Variants in SPPL2A observed in about 807,000 individuals in gnomAD.
SPPL2A encodes signal peptide peptidase-like 2A.
A neutral mutation model predicts 63.8 loss-of-function variants in SPPL2A; 51 were observed. The ratio of observed to expected loss-of-function variants is 0.80; its 90% CI spans 0.64 to 1.01. The LOEUF (loss-of-function observed/expected upper bound fraction) is 1.01, where lower values mean the gene tolerates loss of function less well. Among genes scored for constraint, SPPL2A ranks in the 50% least tolerant of loss-of-function variants. The pLI, the probability that SPPL2A is intolerant of heterozygous loss-of-function variation, is 0.00. For synonymous variants in SPPL2A, 188 were observed against 205.8 expected, an observed-to-expected ratio of 0.91 and a Z score of 0.74; for missense variants, 553 against 622.7, an observed-to-expected ratio of 0.89 and a Z score of 1.19.
intron 2 of SPPL2A, among the ~76,000 whole-genome samples, 182 bp downstream of exon 2, chr15:50,749,454 A>T (rs1209393745): frequency 6.6e-6 from 1 of 151,984 alleles, no homozygotes; most frequent in African/African-American, 2.4e-5. Flanking sequence ...CACCCAGCTA[A>T]TTTTTGTATT....
chr15:50,726,897 C>T (rs146941620), intron 10 of SPPL2A, among the ~76,000 whole-genome samples: 7 of 152,140 alleles, frequency 4.6e-5, no homozygotes, highest in African/African-American at 1.7e-4. Context: ...AAACCAAACT[C>T]GAAAAGACCC....
chr15:50,716,549 T>G (rs2062600709), intron 14 of SPPL2A, among the ~76,000 whole-genome samples: 1 of 152,200 alleles, frequency 6.6e-6, no homozygotes, highest in African/African-American at 2.4e-5. Flanking sequence ...GAAAGGGAAA[T>G]GAATTTTTTA....
At position 50,759,733 on chromosome 15, in the gene SPPL2A, ACT is replaced by A. The variant is rs376006056; in HGVS notation, c.66+5733_66+5734del. 2.8e-3 allele frequency among the ~76,000 whole-genome samples: 426 copies of A among 150,788 alleles called. 1 individual carries two copies. Among genetic ancestry groups the A allele is most frequent in the African/African-American group, 9.9e-3 (406 of 41,046 alleles). On this transcript the variant is annotated intron_variant, in intron 1 of 14. Transcript: ENST00000261854. ...ACTCTAGCCTGGGCGACAGAACGAG[ACT>A]CTGTCTCAAAAAAAAAAAAAGAAAG...
At chr15:50,765,335 G>A (rs1404963047) in intron 1 of SPPL2A, 133 bp downstream of exon 1, 1 of 555,864 alleles carries the variant, frequency 1.8e-6, no homozygotes, top group Non-Finnish European at 3.1e-6. Context: ...GGGGAGGAAA[G>A]AGGAGTGCGA....
chr15:50,721,375 T>C (rs2141026144), intron 13 of SPPL2A, among the ~76,000 whole-genome samples: 1 of 152,174 alleles, frequency 6.6e-6, no homozygotes, highest in Admixed American at 6.6e-5. Context: ...AATTTCTTTA[T>C]ACTTTTTTTC....
Position 50,706,641 on chromosome 15 carries a change from G to A in SPPL2A, c.*1159C>T, listed in dbSNP as rs1202889303. The stretch of plus-strand genomic sequence containing the variant: ...TGGGAGTGGGGGAATGTGGGATAAT[G>A]TTAGGAATGCTGTATTCAACGATGA... On this transcript the variant is annotated 3_prime_UTR_variant, in exon 15 of 15. Coordinates refer to ENST00000261854, the MANE Select transcript of SPPL2A (RefSeq NM_032802.4). 6.6e-6 allele frequency: 1 copy of A among 151,940 alleles called. No individual in the cohort carries two copies. The highest frequency in any genetic ancestry group is 6.6e-5 in the Admixed American group (1 of 15,238). The allele number at this position is 151,940 out of a possible 1,614,324, so 9.4% of individuals were successfully genotyped here. A position where few individuals can be genotyped will look rare whatever the true frequency, so the allele number is the denominator to read the frequency against.
chr15:50,708,381 G>C (rs1252900761), intron 14 of SPPL2A, among the ~76,000 whole-genome samples: 1 of 152,216 alleles, frequency 6.6e-6, no homozygotes, highest in East Asian at 1.9e-4. Context: ...AAATGAACTT[G>C]AGGTCATATG....
rs2062489355 is a variant in SPPL2A at position 50,703,349 on chromosome 15, TATA to T, written c.*4448_*4450del. ...ACATATATATATATATATATATACA[TATA>T]TATATTTTTTTTTTTTTTTTTTTTT... is the stretch of plus-strand genomic sequence containing the variant. On this transcript the variant is annotated 3_prime_UTR_variant, in exon 15 of 15. Coordinates refer to ENST00000261854, the MANE Select transcript of SPPL2A (RefSeq NM_032802.4). 5 of 87,948 alleles carry T rather than the reference TATA, an allele frequency of 5.7e-5. No individual in the cohort carries two copies. Among genetic ancestry groups the T allele is most frequent in the African/African-American group, 1.5e-4 (3 of 20,080 alleles). The allele number at this position is 87,948 out of a possible 1,614,324, so 5.4% of individuals were successfully genotyped here. A position where few individuals can be genotyped will look rare whatever the true frequency, so the allele number is the denominator to read the frequency against.
chr15:50,758,727 G>A (rs1356199399), intron 1 of SPPL2A, among the ~76,000 whole-genome samples: 5 of 151,928 alleles, frequency 3.3e-5, no homozygotes, highest in Non-Finnish European at 5.9e-5. Context: ...CATAGGGCAT[G>A]GTAAAGCTTG....
chr15:50,759,307 A>G (rs1435754601), intron 1 of SPPL2A, among the ~76,000 whole-genome samples: 1 of 152,196 alleles, frequency 6.6e-6, no homozygotes, highest in East Asian at 1.9e-4. Context: ...TTAGCTGGGT[A>G]CAGTGGCTCA....
chr15:50,756,258 G>C (rs1189359134), intron 1 of SPPL2A, among the ~76,000 whole-genome samples: 2 of 151,326 alleles, frequency 1.3e-5, no homozygotes, highest in Admixed American at 6.6e-5. Flanking sequence ...TTACTCTGGA[G>C]GCTGAGGCAG....
chr15:50,764,832 A>G (rs1336954355), intron 1 of SPPL2A, among the ~76,000 whole-genome samples: 1 of 152,182 alleles, frequency 6.6e-6, no homozygotes, highest in Non-Finnish European at 1.5e-5. Context: ...TAGGCAGAAA[A>G]CTGAAAACCA....
chr15:50,712,143 G>T (rs1436004608), intron 14 of SPPL2A, among the ~76,000 whole-genome samples: 1 of 152,192 alleles, frequency 6.6e-6, no homozygotes, highest in Non-Finnish European at 1.5e-5. Context: ...ACTGTCATAA[G>T]CATTGTGGAT....
At chr15:50,712,679 CTTT>C (rs1555440537) in intron 14 of SPPL2A, among the ~76,000 whole-genome samples, 1,913 of 102,750 alleles carry the variant, frequency 0.019, 44 homozygotes, top group Middle Eastern at 0.067. Flanking sequence ...CTCCCCCCCC[CTTT>C]TTTTTTTTTT....
intron 14 of SPPL2A, among the ~76,000 whole-genome samples, chr15:50,708,134 T>C (rs1006493975): frequency 6.6e-6 from 1 of 152,170 alleles, no homozygotes; most frequent in Non-Finnish European, 1.5e-5. Context: ...CATTTCCCAA[T>C]ATGAATACTG....
chr15:50,761,338 C>T lies in SPPL2A; in HGVS notation c.66+4130G>A, dbSNP rs555260979. 5.3e-5 allele frequency among the ~76,000 whole-genome samples: 8 copies of T among 152,212 alleles called. No homozygotes were observed. In the South Asian group the frequency reaches 1.2e-3, roughly 24 times the overall value. On this transcript the variant is annotated intron_variant, in intron 1 of 14. Transcript: ENST00000261854. ...AAGCAATTTAAAAAGACAGAGCTGC[C>T]GGGCACGGTGGCTCACACCTGCAAC...
intron 9 of SPPL2A, among the ~76,000 whole-genome samples, chr15:50,731,410 G>C (rs1265169665): frequency 1.3e-5 from 2 of 151,966 alleles, no homozygotes; most frequent in African/African-American, 2.4e-5. Context: ...GCCGGGCATG[G>C]TGGCACGTGC....
chr15:50,743,389 A>T (rs1285604432), intron 5 of SPPL2A: 1 of 152,192 alleles, frequency 6.6e-6, no homozygotes, highest in African/African-American at 2.4e-5. Flanking sequence ...TCTGCTGCCC[A>T]GGCTTGAGTG....
chr15:50,717,066 A>G (rs1188489923), intron 14 of SPPL2A, among the ~76,000 whole-genome samples: 2 of 152,054 alleles, frequency 1.3e-5, no homozygotes, highest in African/African-American at 4.8e-5. Context: ...CTCCACCCAT[A>G]CTGACTCCAT....
Sources: allele counts gnomAD v4.1 joint callset (sites outside exome capture counted in the v4.1 genomes callset), GRCh38; gene constraint gnomAD v4.1.1; transcripts MANE v1.5; gene names NCBI Gene and HGNC (gene_info 2026-07-23, HGNC 2026-07-21).